Variants in EIF2AK2 observed in about 807,000 individuals in gnomAD.
The protein encoded by EIF2AK2 is interferon-induced, double-stranded RNA-activated protein kinase.
In EIF2AK2, 40 loss-of-function variants were observed where a neutral mutation model predicts 70.5. The observed-to-expected ratio is 0.57, with a 90% CI of 0.44 to 0.74. EIF2AK2 has a LOEUF of 0.74. EIF2AK2 is among the 30% of genes least tolerant of loss of function. The probability of loss-of-function intolerance (pLI) is 0.00; values close to 1 mark genes in which losing one functional copy is unlikely to be tolerated. For synonymous variants in EIF2AK2, 198 were observed against 220.9 expected (o/e 0.90, Z 0.92); for missense variants, 555 against 644.3 (o/e 0.86, Z 1.50).
chr2:37,109,429 G>A, intron 14 of EIF2AK2, 134 bp from the exon 15 acceptor site: 1 of 672,172 alleles, frequency 1.5e-6, no homozygotes, highest in Non-Finnish European at 2.5e-6. Context: ...AAAATCTGTG[G>A]AGTCTGACTG....
intron 13 of EIF2AK2, 33 bp downstream of exon 13, chr2:37,119,926 T>C (rs1458683385): frequency 8.8e-7 from 1 of 1,142,066 alleles, no homozygotes; most frequent in Non-Finnish European, 1.1e-6. Flanking sequence ...ATATTATATA[T>C]ATATCAATTA....
At chr2:37,111,090 T>A (rs888014084) in intron 14 of EIF2AK2, among the ~76,000 whole-genome samples, 2 of 152,230 alleles carry the variant, frequency 1.3e-5, no homozygotes, top group South Asian at 4.1e-4. Context: ...ACATGAGGCA[T>A]CTAGAATAGT....
intron 13 of EIF2AK2, among the ~76,000 whole-genome samples, chr2:37,119,575 C>T (rs1016974759): frequency 5.3e-5 from 8 of 151,204 alleles, no homozygotes; most frequent in Non-Finnish European, 1.2e-4. Context: ...ATATATCTAT[C>T]TATCTTATTT....
intron 10 of EIF2AK2, among the ~76,000 whole-genome samples, chr2:37,132,591 AAAAC>A (rs970938338): frequency 1.3e-5 from 2 of 152,238 alleles, no homozygotes; most frequent in African/African-American, 2.4e-5. Flanking sequence ...TCTGTCTCAA[AAAAC>A]AAACAAACAA....
intron 16 of EIF2AK2, 39 bp from the exon 17 acceptor site, chr2:37,107,434 A>G: frequency 6.2e-7 from 1 of 1,609,780 alleles, no homozygotes; most frequent in Non-Finnish European, 8.5e-7. Flanking sequence ...GAAATAAAAC[A>G]TTGAAATAAA....
chr2:37,126,251 C>T (rs990616014), intron 11 of EIF2AK2, 38 bp downstream of exon 11: 5 of 1,550,040 alleles, frequency 3.2e-6, no homozygotes, highest in Admixed American at 4.1e-5. Flanking sequence ...ATTCAGCGTA[C>T]CTTGCCATTC....
intron 6 of EIF2AK2, 52 bp from the exon 7 acceptor site, chr2:37,138,637 T>C: frequency 6.6e-7 from 1 of 1,519,306 alleles, no homozygotes; most frequent in Non-Finnish European, 9.1e-7. Flanking sequence ...ATTATTTCTC[T>C]ACAGAGGCTC....
chr2:37,155,938 TC>T (rs1444654775), intron 1 of EIF2AK2, among the ~76,000 whole-genome samples: 76 of 65,896 alleles, frequency 1.2e-3, no homozygotes, highest in African/African-American at 3.5e-3. Context: ...AGAATCTGTC[TC>T]AAAAAAAAAA....
At chr2:37,108,938 A>G (rs1674054398) in intron 15 of EIF2AK2, among the ~76,000 whole-genome samples, 1 of 152,190 alleles carries the variant, frequency 6.6e-6, no homozygotes, top group Non-Finnish European at 1.5e-5. Flanking sequence ...CAATCAATAA[A>G]ATGTTACTGA....
chr2:37,120,404 G>C (rs548295147), intron 12 of EIF2AK2, among the ~76,000 whole-genome samples: 31 of 150,962 alleles, frequency 2.1e-4, no homozygotes, highest in African/African-American at 7.0e-4. Context: ...ACTCCGGGGA[G>C]GCTGAGGCAA....
In EIF2AK2 at chr2:37,146,967, T is replaced by C. The variant is rs1675566356; in HGVS notation, c.126A>G (p.Thr42=). 4 of 1,609,974 alleles carry C rather than the reference T, an allele frequency of 2.5e-6. No homozygotes were observed. The highest frequency in any genetic ancestry group is 1.7e-5 in the Admixed American group (1 of 59,528). ...CTCTTCCATCTATTATAACTTGAAA[T>C]GTAAACCTGATTACAAAGAGAATAT... is the stretch of plus-strand genomic sequence containing the variant. ...NSGPPHDRRF[T]FQVIIDGREF... The change falls in exon 4 of 17, where the codon ACA becomes ACG. Residue 42 remains threonine (T), a synonymous_variant. Coordinates refer to ENST00000233057, the MANE Select transcript of EIF2AK2 (RefSeq NM_001135651.3).
rs562326050 is a variant in EIF2AK2 at position 37,141,741 on chromosome 2, C to A, written c.241-40G>T. 1.9e-4 allele frequency: 287 copies of A among 1,549,054 alleles called. 2 individuals are homozygous for A. In the East Asian group the frequency reaches 3.7e-3, roughly 20 times the overall value. On this transcript the variant is annotated intron_variant, in intron 4 of 16. Coordinates refer to ENST00000233057, the MANE Select transcript of EIF2AK2 (RefSeq NM_001135651.3). ...AATTCCTGTTTAATATAAATGACAA[C>A]AAAGATTTAACCTTTTAAAAATCAT...
chr2:37,120,132 T>C lies in EIF2AK2; in HGVS notation c.1075A>G (p.Thr359Ala), dbSNP rs1674485015. 2.1e-6 allele frequency: 3 copies of C among 1,430,616 alleles called. No individual in the cohort carries two copies. In the African/African-American group the frequency reaches 4.4e-5, roughly 21 times the overall value. 88.6% of individuals were successfully genotyped at this position (1,430,616 alleles called of 1,614,324 possible). ...TCCATTTGGATGAAAAGGCACTTAG[T>C]CTTTGACCTGGGTATAAAATTCACA... ...ENSKNSSRSKTKCLFIQMEFC... is the reference protein window; with the variant it reads ...ENSKNSSRSKAKCLFIQMEFC... Residue 359 changes from threonine (T) to alanine (A), a missense_variant, in exon 13 of 17, where the codon ACT becomes GCT. Physicochemically the swap from Thr to Ala is moderately conservative, Grantham distance 58. Coordinates refer to ENST00000233057, the MANE Select transcript of EIF2AK2 (RefSeq NM_001135651.3).
chr2:37,146,792 G>C, intron 4 of EIF2AK2, 61 bp downstream of exon 4: 1 of 1,587,508 alleles, frequency 6.3e-7, no homozygotes, highest in Non-Finnish European at 8.6e-7. Context: ...TTTTCTCACA[G>C]AGAGAAACAG....
chr2:37,149,193 C>A, intron 1 of EIF2AK2, 170 bp from the exon 2 acceptor site: 5 of 1,104,522 alleles, frequency 4.5e-6, no homozygotes, highest in Non-Finnish European at 5.6e-6. Context: ...GCTTGTCGTG[C>A]CTGTGGTTCT....
At position 37,120,030 on chromosome 2, in the gene EIF2AK2, C is replaced by A; in HGVS notation, c.1177G>T (p.Glu393Ter). The A allele has an allele frequency of 6.4e-7, 1 of 1,562,478 alleles. No homozygotes were observed. The highest frequency in any genetic ancestry group is 1.8e-5 in the Admixed American group (1 of 56,284). Residue 393 changes from glutamate to a stop codon, truncating the protein, a stop_gained, in exon 13 of 17, where the codon GAA becomes TAA. Coordinates refer to ENST00000233057, the MANE Select transcript of EIF2AK2 (RefSeq NM_001135651.3). LOFTEE classifies it high-confidence loss of function. Reference sequence around the variant, plus strand: ...CCTTTTGTTATTTGTTCAAAGAGTTCCAAAGCCAAAACTTTGTCTAGTTTC... The same window carrying A: ...CCTTTTGTTATTTGTTCAAAGAGTTACAAAGCCAAAACTTTGTCTAGTTTC... ...GEKLDKVLAL[E>*]LFEQITKGVD...
At chr2:37,119,587 A>T (rs925234444) in intron 13 of EIF2AK2, among the ~76,000 whole-genome samples, 5 of 150,718 alleles carry the variant, frequency 3.3e-5, no homozygotes, top group African/African-American at 1.2e-4. Flanking sequence ...ATCTTATTTT[A>T]TATATATATA....
chr2:37,129,377 G>A (rs1382109174), intron 10 of EIF2AK2, among the ~76,000 whole-genome samples: 2 of 151,936 alleles, frequency 1.3e-5, no homozygotes. Flanking sequence ...CAGTCTTTGG[G>A]GACACTGGAC....
At chr2:37,135,605 T>C in intron 9 of EIF2AK2, 59 bp from the exon 10 acceptor site, 1 of 1,460,168 alleles carries the variant, frequency 6.8e-7, no homozygotes, top group Middle Eastern at 1.8e-4. Flanking sequence ...TATAACTTAT[T>C]TAGTGTTAAT....
Sources: gnomAD v4.1 joint callset for allele counts (sites outside exome capture counted in the v4.1 genomes callset) on GRCh38, gnomAD v4.1.1 for gene constraint, MANE v1.5 for transcripts, NCBI Gene and HGNC (gene_info 2026-07-23, HGNC 2026-07-21) for gene names.